The following UNC13A variants were observed in gnomAD, a reference collection of about 807,000 sequenced individuals.
The protein encoded by UNC13A is unc-13 homolog A.
Under a neutral mutation model 219.7 loss-of-function variants are expected in UNC13A, and 61 were observed. The ratio of observed to expected loss-of-function variants is 0.28; its 90% CI spans 0.23 to 0.34. The LOEUF (loss-of-function observed/expected upper bound fraction) is 0.34, where lower values mean the gene tolerates loss of function less well. Among genes scored for constraint, UNC13A ranks in the 10% least tolerant of loss-of-function variants. The pLI is 1.00. For missense variants in UNC13A, 1,476 were observed against 2,270.3 expected (o/e 0.65, Z 7.11); for synonymous variants, 920 against 884.6 (o/e 1.04, Z -0.71).
intron 35 of UNC13A, 89 bp from the exon 36 acceptor site, chr19:17,623,636 G>T: frequency 1.5e-6 from 1 of 658,950 alleles, no homozygotes; most frequent in Non-Finnish European, 2.4e-6. Context: ...GGGCAGAGAT[G>T]GCAGCACGGA....
At position 17,640,517 on chromosome 19, in the gene UNC13A, G is replaced by A; in HGVS notation, c.2781C>T (p.Asn927=). Residue 927 remains asparagine (N), a synonymous_variant, in exon 22 of 44, where the codon AAC becomes AAT. Transcript: ENST00000519716. Reference sequence around the variant, plus strand: ...CCCAGTCCCCAGGACTGACCCCAAAGTTGGAGGCGGCGAAGCGGTCGGAGG... The same window carrying A: ...CCCAGTCCCCAGGACTGACCCCAAAATTGGAGGCGGCGAAGCGGTCGGAGG... The part of the protein sequence containing the change: ...VSASDRFAAS[N]FGKERFVKLL... 6.5e-7 allele frequency: 1 copy of A among 1,549,644 alleles called. No individual in the cohort carries two copies. The highest frequency in any genetic ancestry group is 8.7e-7 in the Non-Finnish European group (1 of 1,146,866).
chr19:17,658,297 G>C, intron 8 of UNC13A, 28 bp from the exon 9 acceptor site: 3 of 1,592,068 alleles, frequency 1.9e-6, no homozygotes, highest in Non-Finnish European at 1.7e-6. Context: ...TATGGGAAGA[G>C]GGTGAGGAAG....
chr19:17,635,572 A>G (rs1467745416), intron 26 of UNC13A, among the ~76,000 whole-genome samples: 3 of 152,226 alleles, frequency 2.0e-5, no homozygotes, highest in South Asian at 4.1e-4. Flanking sequence ...ATTGCATTCA[A>G]TGATTTTACA....
chr19:17,678,492 C>T (rs1428980009), intron 1 of UNC13A, among the ~76,000 whole-genome samples: 9 of 152,076 alleles, frequency 5.9e-5, no homozygotes, highest in Admixed American at 3.9e-4. Context: ...TGGTTTGAGC[C>T]AGGTTCAGAT....
At position 17,645,775 on chromosome 19, in the gene UNC13A, C is replaced by T. The variant is rs1369895005; in HGVS notation, c.2255G>A (p.Arg752His). The change falls in exon 19 of 44, where the codon CGC (arginine) becomes CAC (histidine). Residue 752 changes from arginine (R) to histidine (H), a missense_variant. This residue lies in a region of UNC13A where 66 missense variants were observed against 224.3 expected (regional missense o/e 0.29). Transcript: ENST00000519716. ...TTCCCTCTTGAACCTCTGTTTCACG[C>T]GGGATTTGATGTCGTCATCCTCGTC... ...VWDEDDDIKSRVKQRFKRESD... is the reference protein window; with the variant it reads ...VWDEDDDIKSHVKQRFKRESD... 2 of 1,614,046 alleles carry T rather than the reference C, an allele frequency of 1.2e-6. No individual in the cohort carries two copies. Among genetic ancestry groups the T allele is most frequent in the East Asian group, 2.2e-5 (1 of 44,884 alleles).
Position 17,623,559 on chromosome 19 carries a change from G to A in UNC13A, c.4198-12C>T. 8.3e-7 allele frequency: 1 copy of A among 1,210,554 alleles called. No homozygotes were observed. The allele number at this position is 1,210,554 out of a possible 1,614,324, so 75.0% of individuals were successfully genotyped here. ...CTACTTACGATCATCTGTCATCCGT[G>A]ATGGGGGCGGGGCGGTGGGGGAGGG... On this transcript the variant is annotated splice_polypyrimidine_tract_variant and intron_variant, in intron 35 of 43. Transcript: ENST00000519716.
chr19:17,664,049 T>A (rs2079599573), intron 7 of UNC13A, among the ~76,000 whole-genome samples: 1 of 151,656 alleles, frequency 6.6e-6, no homozygotes, highest in Admixed American at 6.6e-5. Flanking sequence ...AAACACGTGG[T>A]CTCAAGTGAG....
At chr19:17,678,671 A>C (rs905686717) in intron 1 of UNC13A, among the ~76,000 whole-genome samples, 1 of 151,730 alleles carries the variant, frequency 6.6e-6, no homozygotes, top group African/African-American at 2.4e-5. Flanking sequence ...GGACTGAAAG[A>C]GGCTCAGGAA....
chr19:17,623,109 G>A lies in UNC13A; in HGVS notation c.4203+433C>T, dbSNP rs540091815. ...AGGAATCAGAAGTAGAGACCCTCAT[G>A]GTGAGGACCTGCATTCTGGGAAGCT... On this transcript the variant is annotated intron_variant, in intron 36 of 43. Coordinates refer to ENST00000519716, the MANE Select transcript of UNC13A (RefSeq NM_001080421.3). The A allele has an allele frequency of 4.5e-4, 81 of 179,112 alleles. 1 individual carries two copies. Among genetic ancestry groups the A allele is most frequent in the African/African-American group, 1.7e-3 (72 of 42,420 alleles). The allele number at this position is 179,112 out of a possible 1,614,324, so 11.1% of individuals were successfully genotyped here. A position where few individuals can be genotyped will look rare whatever the true frequency, so the allele number is the denominator to read the frequency against.
rs1428626149 is a variant in UNC13A at position 17,686,712 on chromosome 19, TAAGAAC to T, written c.22+1460_22+1465del. On this transcript the variant is annotated intron_variant, in intron 1 of 43. Coordinates refer to ENST00000519716, the MANE Select transcript of UNC13A (RefSeq NM_001080421.3). ...TAGAGAAAGTAGGCCCCTGTCCCTT[TAAGAAC>T]ACCCGCGTCCACGCCGGCCCAGCCC... 2.0e-5 allele frequency among the ~76,000 whole-genome samples: 3 copies of T among 151,776 alleles called. No individual in the cohort carries two copies. The East Asian group carries it at 5.9e-4, about 30-fold the overall frequency.
In UNC13A at chr19:17,611,832, C is replaced by A; in HGVS notation, c.4582G>T (p.Gly1528Cys). The A allele has an allele frequency of 6.2e-7, 1 of 1,614,106 alleles. No individual in the cohort carries two copies. The highest frequency in any genetic ancestry group is 8.5e-7 in the Non-Finnish European group (1 of 1,179,950). Reference protein sequence around the residue: ...AQGLGVEDPVGEVSVHVELFT... With the variant: ...AQGLGVEDPVCEVSVHVELFT... Reference sequence around the variant, plus strand: ...AGCTCAACATGGACAGAGACTTCACCCACAGGGTCTTCTACACCCAAGCCT... The same window carrying A: ...AGCTCAACATGGACAGAGACTTCACACACAGGGTCTTCTACACCCAAGCCT... The change falls in exon 42 of 44, where the codon GGT (glycine) becomes TGT (cysteine). Residue 1528 changes from glycine to cysteine, a missense_variant. This residue lies in a region of UNC13A where 77 missense variants were observed against 94.8 expected (regional missense o/e 0.81). Transcript: ENST00000519716.
In UNC13A at chr19:17,652,694, C is replaced by A; in HGVS notation, c.1393-17G>T. 1 of 1,613,498 alleles carries A rather than the reference C, an allele frequency of 6.2e-7. No homozygotes were observed. On this transcript the variant is annotated splice_polypyrimidine_tract_variant and intron_variant, in intron 11 of 43. Transcript: ENST00000519716. ...TCCCCGGGCCTGCAGGACAGACAGA[C>A]AGATATGGTCAGTGTGGCTGTCCCT...
At chr19:17,611,923 A>AC in intron 41 of UNC13A, 68 bp from the exon 42 acceptor site, 1 of 1,381,464 alleles carries the variant, frequency 7.2e-7, no homozygotes, top group Non-Finnish European at 1.0e-6. Flanking sequence ...AGGGACCTTG[A>AC]CGGCCTCCCA....
chr19:17,632,241 C>T (rs921421592), intron 28 of UNC13A, among the ~76,000 whole-genome samples: 5 of 152,152 alleles, frequency 3.3e-5, no homozygotes, highest in Non-Finnish European at 2.9e-5. Flanking sequence ...GCTGGGGTTT[C>T]GCCCTATTGG....
intron 38 of UNC13A, among the ~76,000 whole-genome samples, chr19:17,619,959 G>T (rs538939369): frequency 6.6e-6 from 1 of 152,296 alleles, no homozygotes; most frequent in Non-Finnish European, 1.5e-5. Flanking sequence ...TATCCACTTT[G>T]TGGCTTAGTC....
At chr19:17,629,938 T>TC in intron 30 of UNC13A, among the ~76,000 whole-genome samples, 10 of 149,878 alleles carry the variant, frequency 6.7e-5, no homozygotes, top group African/African-American at 2.5e-4. Context: ...CCAACCTCCA[T>TC]TCAAACCTCA....
intron 11 of UNC13A, 143 bp from the exon 12 acceptor site, chr19:17,652,820 C>T: frequency 3.6e-6 from 3 of 836,456 alleles, no homozygotes; most frequent in South Asian, 1.6e-5. Context: ...TTAGGAAGCT[C>T]CGTGGCTATC....
At position 17,686,358 on chromosome 19, in the gene UNC13A, G is replaced by A. The variant is rs1202213843; in HGVS notation, c.22+1820C>T. Among the ~76,000 whole-genome samples the A allele has an allele frequency of 7.3e-5, 11 of 149,762 alleles. No homozygotes were observed. The South Asian group carries it at 2.1e-3, about 29-fold the overall frequency. Reference sequence around the variant, plus strand: ...CCTTCCAGAGAAGCCCAACTTGGAGGATGTGAGGCGGGGTGGGGCGGGATG... The same window carrying A: ...CCTTCCAGAGAAGCCCAACTTGGAGAATGTGAGGCGGGGTGGGGCGGGATG... On this transcript the variant is annotated intron_variant, in intron 1 of 43. Coordinates refer to ENST00000519716, the MANE Select transcript of UNC13A (RefSeq NM_001080421.3).
intron 43 of UNC13A, among the ~76,000 whole-genome samples, chr19:17,607,603 A>G (rs2076547485): frequency 6.6e-6 from 1 of 151,592 alleles, no homozygotes; most frequent in South Asian, 2.1e-4. Flanking sequence ...TTTTAAAGAC[A>G]GGGTCTCGCT....
Sources: allele counts gnomAD v4.1 joint callset (sites outside exome capture counted in the v4.1 genomes callset), GRCh38; gene constraint gnomAD v4.1.1; regional missense constraint gnomAD v4.1.1; transcripts MANE v1.5; gene names NCBI Gene and HGNC (gene_info 2026-07-23, HGNC 2026-07-21).